Variants in DIP2C observed in about 807,000 individuals in gnomAD.
DIP2C encodes disco-interacting protein 2 homolog C.
Under a neutral mutation model 192.4 loss-of-function variants are expected in DIP2C, and 33 were observed. The observed-to-expected ratio is 0.17, with a 90% CI of 0.13 to 0.23. The LOEUF (loss-of-function observed/expected upper bound fraction) is 0.23, where lower values mean the gene tolerates loss of function less well. Ranked by LOEUF, DIP2C falls within the 10% of genes least tolerant of loss-of-function variation. The pLI is 1.00. For synonymous variants in DIP2C, 979 were observed against 864.1 expected (o/e 1.13, Z -2.33); for missense variants, 1,537 against 2,110.1 (o/e 0.73, Z 5.32).
At chr10:640,508 A>C (rs1855110889) in intron 1 of DIP2C, among the ~76,000 whole-genome samples, 1 of 152,050 alleles carries the variant, frequency 6.6e-6, no homozygotes, top group Non-Finnish European at 1.5e-5. Context: ...CACCTCAATA[A>C]ACTTAGCTCA....
intron 31 of DIP2C, among the ~76,000 whole-genome samples, chr10:321,622 G>A (rs112340449): frequency 4.6e-5 from 6 of 129,176 alleles, no homozygotes; most frequent in Non-Finnish European, 8.1e-5. Flanking sequence ...ACAGTCAGTC[G>A]GGGGTGCGGG....
chr10:562,206 G>A (rs1033095264), intron 1 of DIP2C, among the ~76,000 whole-genome samples: 2 of 152,214 alleles, frequency 1.3e-5, no homozygotes, highest in African/African-American at 4.8e-5. Flanking sequence ...CGCATCTGAT[G>A]TTTAACACAC....
chr10:672,582 T>G (rs946318356), intron 1 of DIP2C, among the ~76,000 whole-genome samples: 1 of 152,218 alleles, frequency 6.6e-6, no homozygotes, highest in Non-Finnish European at 1.5e-5. Context: ...TCACTTCGAA[T>G]GAAAGCACTC....
At chr10:339,715 T>C (rs551618525) in intron 29 of DIP2C, among the ~76,000 whole-genome samples, 8 of 152,364 alleles carry the variant, frequency 5.3e-5, no homozygotes, top group South Asian at 4.1e-4. Flanking sequence ...CACAATGTTA[T>C]GGCATTTTGG....
chr10:657,453 G>GCC (rs1856434733), intron 1 of DIP2C, among the ~76,000 whole-genome samples: 1 of 11,032 alleles, frequency 9.1e-5, no homozygotes, highest in Non-Finnish European at 3.0e-4. Flanking sequence ...CGCTGGACCT[G>GCC]ATGCTGGACC....
chr10:662,783 T>C, intron 1 of DIP2C: 1 of 698,546 alleles, frequency 1.4e-6, no homozygotes, highest in Non-Finnish European at 2.7e-6. Flanking sequence ...TTGCCTATTC[T>C]CTTTTAGAAG....
chr10:677,800 G>A (rs2119060553), intron 1 of DIP2C, among the ~76,000 whole-genome samples: 1 of 152,324 alleles, frequency 6.6e-6, no homozygotes, highest in Admixed American at 6.5e-5. Flanking sequence ...AGCCAGTGAG[G>A]GTGGAGACCC....
intron 1 of DIP2C, among the ~76,000 whole-genome samples, chr10:564,000 A>C (rs376749503): frequency 7.5e-4 from 114 of 152,368 alleles, no homozygotes; most frequent in African/African-American, 2.7e-3. Flanking sequence ...GAATGGATCA[A>C]TTATTTGAGA....
chr10:387,636 G>T, intron 14 of DIP2C, 109 bp downstream of exon 14: 1 of 906,172 alleles, frequency 1.1e-6, no homozygotes, highest in Non-Finnish European at 1.8e-6. Context: ...TGTGGGGAGG[G>T]GACTCCTGTG....
At chr10:443,844 G>T (rs1055643917) in intron 3 of DIP2C, among the ~76,000 whole-genome samples, 3 of 152,124 alleles carry the variant, frequency 2.0e-5, no homozygotes, top group African/African-American at 7.2e-5. Context: ...CTATCAAATA[G>T]AGTTCAGTGT....
chr10:547,556 G>C (rs1588436881), intron 1 of DIP2C, among the ~76,000 whole-genome samples: 1 of 152,212 alleles, frequency 6.6e-6, no homozygotes, highest in South Asian at 2.1e-4. Context: ...CCAGGAGGAA[G>C]GGAGGGTGGA....
intron 1 of DIP2C, among the ~76,000 whole-genome samples, chr10:542,999 A>T (rs1327279732): frequency 1.3e-5 from 2 of 152,234 alleles, no homozygotes; most frequent in Non-Finnish European, 2.9e-5. Context: ...AGCACCAGGA[A>T]AAGTCAAACA....
At chr10:568,636 C>G (rs1449976455) in intron 1 of DIP2C, among the ~76,000 whole-genome samples, 1 of 151,600 alleles carries the variant, frequency 6.6e-6, no homozygotes. Flanking sequence ...CATGGTGGCA[C>G]GCGCCTGTAG....
chr10:325,466 C>G (rs1254584867), intron 31 of DIP2C, among the ~76,000 whole-genome samples: 1 of 152,186 alleles, frequency 6.6e-6, no homozygotes, highest in East Asian at 1.9e-4. Flanking sequence ...TTTTAAGAGA[C>G]AAAGCCAGAA....
intron 1 of DIP2C, among the ~76,000 whole-genome samples, chr10:601,768 G>C (rs1450226442): frequency 1.3e-5 from 2 of 152,230 alleles, no homozygotes; most frequent in African/African-American, 4.8e-5. Flanking sequence ...CAGGGAAGGG[G>C]GAACAAGGCC....
chr10:439,709 T>C (rs1057358567), intron 4 of DIP2C, among the ~76,000 whole-genome samples: 1 of 151,726 alleles, frequency 6.6e-6, no homozygotes, highest in African/African-American at 2.4e-5. Flanking sequence ...TTAGTAAAGG[T>C]ATAAAGGTGA....
At chr10:434,588 T>A (rs981738134) in intron 4 of DIP2C, among the ~76,000 whole-genome samples, 9 of 152,252 alleles carry the variant, frequency 5.9e-5, no homozygotes, top group Non-Finnish European at 8.8e-5. Context: ...TCTTCCTTTC[T>A]TTATGCACAG....
intron 1 of DIP2C, among the ~76,000 whole-genome samples, chr10:498,336 C>A (rs1027238564): frequency 6.6e-6 from 1 of 152,214 alleles, no homozygotes; most frequent in Non-Finnish European, 1.5e-5. Context: ...TGACTGGGCT[C>A]TAACAGGAGA....
chr10:504,069 TACTC>T (rs1018162809), intron 1 of DIP2C, among the ~76,000 whole-genome samples: 1 of 152,224 alleles, frequency 6.6e-6, no homozygotes, highest in Non-Finnish European at 1.5e-5. Context: ...TTCATGGAAA[TACTC>T]TCTCTTCATC....
Sources: allele counts gnomAD v4.1 joint callset (sites outside exome capture counted in the v4.1 genomes callset), GRCh38; gene constraint gnomAD v4.1.1; transcripts MANE v1.5; gene names NCBI Gene and HGNC (gene_info 2026-07-23, HGNC 2026-07-21).